Variants in RAB12 observed in about 807,000 individuals in gnomAD.
RAB12 encodes the protein ras-related protein Rab-12.
RAB12 carries 11 observed loss-of-function variants against 28.4 expected under a neutral mutation model. The observed-to-expected ratio is 0.39, with a 90% CI of 0.24 to 0.64. The LOEUF (loss-of-function observed/expected upper bound fraction) is 0.64. Ranked by LOEUF, RAB12 falls within the 30% of genes least tolerant of loss-of-function variation. The pLI is 0.50. For synonymous variants in RAB12, 138 were observed against 145.3 expected, an observed-to-expected ratio of 0.95 and a Z score of 0.36; for missense variants, 276 against 351.1, an observed-to-expected ratio of 0.79 and a Z score of 1.71.
chr18:8,635,761 G>C, intron 4 of RAB12, 139 bp downstream of exon 4: 1 of 570,956 alleles, frequency 1.8e-6, no homozygotes, highest in South Asian at 3.0e-5. Flanking sequence ...CTCCTAATTT[G>C]TTTGCACTTT....
chr18:8,625,559 A>G (rs1173055507), intron 2 of RAB12, among the ~76,000 whole-genome samples: 3 of 152,182 alleles, frequency 2.0e-5, no homozygotes, highest in Non-Finnish European at 2.9e-5. Flanking sequence ...TCAAATCACA[A>G]TTGGAATGAG....
At chr18:8,630,208 A>C (rs2096015122) in intron 2 of RAB12, among the ~76,000 whole-genome samples, 2 of 152,222 alleles carry the variant, frequency 1.3e-5, no homozygotes, top group Admixed American at 1.3e-4. Flanking sequence ...GCTTTTGTAC[A>C]TTTTAAGGAG....
Position 8,609,677 on chromosome 18 carries a change from C to G in RAB12, c.238C>G (p.Arg80Gly). 2 of 925,264 alleles carry G rather than the reference C, an allele frequency of 2.2e-6. No homozygotes were observed. The highest frequency in any genetic ancestry group is 2.6e-6 in the Non-Finnish European group (2 of 778,512). The allele number at this position is 925,264 out of a possible 1,614,324, so 57.3% of individuals were successfully genotyped here. Residue 80 changes from arginine to glycine, a missense_variant, in exon 1 of 6, where the codon CGG becomes GGG. Arg to Gly is a moderately radical substitution (Grantham distance 125). Around this residue, in one of 4 missense-constraint regions of RAB12, gnomAD observed 72 missense variants for 55.5 expected, o/e 1.30. Transcript: ENST00000649141. ...GGCGCCGGGGCCCGGGGCGCGCAGC[C>G]GGGGGGCGGGCGGCGGCGGGCGGCG... ...EGAPGPGARSRGAGGGGRRAE... is the reference protein window; with the variant it reads ...EGAPGPGARSGGAGGGGRRAE...
At chr18:8,610,296 G>C (rs2096003045) in intron 1 of RAB12, among the ~76,000 whole-genome samples, 1 of 152,214 alleles carries the variant, frequency 6.6e-6, no homozygotes, top group Admixed American at 6.5e-5. Context: ...GCAGGCAGGG[G>C]AGTGAACGCC....
intron 5 of RAB12, among the ~76,000 whole-genome samples, chr18:8,637,592 T>C (rs1567898266): frequency 6.6e-6 from 1 of 152,100 alleles, no homozygotes; most frequent in African/African-American, 2.4e-5. Flanking sequence ...TATATAATTG[T>C]ATAATTTGGA....
chr18:8,630,475 A>G (rs1019929711), intron 2 of RAB12, among the ~76,000 whole-genome samples: 1 of 152,160 alleles, frequency 6.6e-6, no homozygotes, highest in African/African-American at 2.4e-5. Flanking sequence ...TTCTTACCAG[A>G]CTTAAAGTGT....
chr18:8,609,655 G>C lies in RAB12; in HGVS notation c.216G>C (p.Ala72=), dbSNP rs1349721610. 1.2e-6 allele frequency: 1 copy of C among 814,740 alleles called. No individual in the cohort carries two copies. Among genetic ancestry groups the C allele is most frequent in the Non-Finnish European group, 1.5e-6 (1 of 677,094 alleles). 50.5% of individuals were successfully genotyped at this position (814,740 alleles called of 1,614,324 possible). The stretch of plus-strand genomic sequence containing the variant: ...CGCGCGCGGCGGAGGCCGAGGGGGC[G>C]CCGGGGCCCGGGGCGCGCAGCCGGG... ...DPPRAAEAEG[A]PGPGARSRGA... The change falls in exon 1 of 6, where the codon GCG becomes GCC. Residue 72 remains alanine, a synonymous_variant. Coordinates refer to ENST00000649141, the MANE Select transcript of RAB12 (RefSeq NM_001025300.3).
intron 4 of RAB12, 68 bp downstream of exon 4, chr18:8,635,690 TA>T (rs2096018507): frequency 1.1e-6 from 1 of 916,010 alleles, no homozygotes. Context: ...TTTCTTTTAA[TA>T]AATTACTTAT....
At chr18:8,625,353 T>C (rs2096012079) in intron 2 of RAB12, among the ~76,000 whole-genome samples, 1 of 152,252 alleles carries the variant, frequency 6.6e-6, no homozygotes, top group Non-Finnish European at 1.5e-5. Context: ...TATGATAGTA[T>C]TCAAAGAAAG....
At chr18:8,630,975 G>A (rs181049237) in intron 2 of RAB12, among the ~76,000 whole-genome samples, 1 of 152,372 alleles carries the variant, frequency 6.6e-6, no homozygotes, top group East Asian at 1.9e-4. Flanking sequence ...TGCAACCTCT[G>A]CCTCGCAGGC....
chr18:8,637,237 A>G (rs1598315094), intron 5 of RAB12, among the ~76,000 whole-genome samples: 3 of 151,918 alleles, frequency 2.0e-5, no homozygotes, highest in South Asian at 2.1e-4. Flanking sequence ...GATCGTATCT[A>G]CACTCCAGCC....
chr18:8,638,103 C>G, intron 5 of RAB12, 46 bp from the exon 6 acceptor site: 2 of 1,278,860 alleles, frequency 1.6e-6, no homozygotes, highest in South Asian at 1.2e-5. Context: ...TGTATGTGTA[C>G]CTTGTAAAGT....
chr18:8,622,832 A>G (rs1025714779), intron 1 of RAB12, among the ~76,000 whole-genome samples: 1 of 152,148 alleles, frequency 6.6e-6, no homozygotes, highest in East Asian at 1.9e-4. Flanking sequence ...GCCACCCCGT[A>G]GACCTACCCC....
At chr18:8,629,865 A>C (rs2096014934) in intron 2 of RAB12, among the ~76,000 whole-genome samples, 1 of 152,202 alleles carries the variant, frequency 6.6e-6, no homozygotes, top group Admixed American at 6.5e-5. Context: ...CTTGCATGGA[A>C]GAGCCTGTTG....
chr18:8,633,436 A>T, intron 3 of RAB12, 109 bp downstream of exon 3: 1 of 1,282,812 alleles, frequency 7.8e-7, no homozygotes, highest in Non-Finnish European at 1.1e-6. Flanking sequence ...CATATAGACT[A>T]AACATCATTT....
At chr18:8,613,074 G>GT in intron 1 of RAB12, among the ~76,000 whole-genome samples, 1 of 152,292 alleles carries the variant, frequency 6.6e-6, no homozygotes, top group Middle Eastern at 3.4e-3. Context: ...TGAGCAAAAT[G>GT]TTGTTTTTTG....
At chr18:8,623,097 C>T (rs1331972727) in intron 1 of RAB12, among the ~76,000 whole-genome samples, 1 of 152,048 alleles carries the variant, frequency 6.6e-6, no homozygotes, top group African/African-American at 2.4e-5. Flanking sequence ...TCACATGGTC[C>T]TGAGGCAACA....
At chr18:8,611,011 A>G (rs903580889) in intron 1 of RAB12, among the ~76,000 whole-genome samples, 3 of 152,240 alleles carry the variant, frequency 2.0e-5, no homozygotes, top group African/African-American at 7.2e-5. Flanking sequence ...TACTACATTT[A>G]AAGTGTCTTA....
At chr18:8,612,865 A>C (rs138460062) in intron 1 of RAB12, among the ~76,000 whole-genome samples, 2 of 152,092 alleles carry the variant, frequency 1.3e-5, no homozygotes, top group African/African-American at 4.8e-5. Flanking sequence ...AAGTCTTGCT[A>C]TGTTGTCCAG....
Sources: allele counts gnomAD v4.1 joint callset (sites outside exome capture counted in the v4.1 genomes callset), GRCh38; gene constraint gnomAD v4.1.1; regional missense constraint gnomAD v4.1.1; transcripts MANE v1.5; gene names NCBI Gene and HGNC (gene_info 2026-07-23, HGNC 2026-07-21).